The following ITFG1 variants were observed in gnomAD, a reference collection of about 807,000 sequenced individuals.
ITFG1 encodes T-cell immunomodulatory protein.
In ITFG1, 34 loss-of-function variants were observed where a neutral mutation model predicts 81.8. The observed-to-expected ratio is 0.42, with a 90% CI of 0.32 to 0.55. The LOEUF (loss-of-function observed/expected upper bound fraction) is 0.55, where lower values mean the gene tolerates loss of function less well. Among genes scored for constraint, ITFG1 ranks in the 20% least tolerant of loss-of-function variants. ITFG1 has a pLI of 0.17. For missense variants in ITFG1, 672 were observed against 755.4 expected, an observed-to-expected ratio of 0.89 and a Z score of 1.29; for synonymous variants, 285 against 270.6, an observed-to-expected ratio of 1.05 and a Z score of -0.52.
At chr16:47,182,705 C>T (rs1399124924) in intron 14 of ITFG1, among the ~76,000 whole-genome samples, 2 of 152,194 alleles carry the variant, frequency 1.3e-5, no homozygotes, top group Non-Finnish European at 2.9e-5. Context: ...AGGAAATTAC[C>T]AGATAATTAA....
intron 10 of ITFG1, among the ~76,000 whole-genome samples, chr16:47,269,813 A>G (rs1214474752): frequency 6.6e-6 from 1 of 152,170 alleles, no homozygotes; most frequent in Admixed American, 6.5e-5. Flanking sequence ...TAGGAAATAC[A>G]AAGAAACTAG....
chr16:47,390,211 G>C (rs1968513134), intron 6 of ITFG1, among the ~76,000 whole-genome samples: 2 of 152,286 alleles, frequency 1.3e-5, no homozygotes, highest in African/African-American at 4.8e-5. Context: ...AATCACTGAG[G>C]ATCAGGACTG....
At chr16:47,394,253 A>C (rs1968567440) in intron 6 of ITFG1, among the ~76,000 whole-genome samples, 1 of 152,184 alleles carries the variant, frequency 6.6e-6, no homozygotes, top group Non-Finnish European at 1.5e-5. Flanking sequence ...GCTTTTAAGA[A>C]AAAGTGTGTG....
At chr16:47,365,945 C>A in intron 7 of ITFG1, 76 bp from the exon 8 acceptor site, 2 of 774,086 alleles carry the variant, frequency 2.6e-6, no homozygotes, top group Admixed American at 2.1e-5. Flanking sequence ...AGCATTCTAA[C>A]TGAACTGGGG....
At chr16:47,384,603 A>C (rs1345968225) in intron 6 of ITFG1, among the ~76,000 whole-genome samples, 1 of 152,254 alleles carries the variant, frequency 6.6e-6, no homozygotes, top group Non-Finnish European at 1.5e-5. Context: ...GAAGTAATAC[A>C]GTCTGATAAC....
Position 47,313,730 on chromosome 16 carries a change from T to G in ITFG1, c.896A>C (p.Gln299Pro). 1 of 1,538,950 alleles carries G rather than the reference T, an allele frequency of 6.5e-7. No homozygotes were observed. Among genetic ancestry groups the G allele is most frequent in the Non-Finnish European group, 8.9e-7 (1 of 1,125,680 alleles). Residue 299 changes from glutamine (Q) to proline (P), a missense_variant and splice_region_variant, in exon 9 of 18, where the codon CAG becomes CCG. By Grantham distance (76) the Gln-to-Pro change is moderately conservative. Around this residue, in one of 3 missense-constraint regions of ITFG1, gnomAD observed 560 missense variants for 625.7 expected, o/e 0.90. Coordinates refer to ENST00000320640, the MANE Select transcript of ITFG1 (RefSeq NM_030790.5). ...TIYLVRSGMK[Q>P]WVPVLQDFSN... ...TACATTAAAAACAACTTGATATACC[T>G]GCTTCATCCCAGATCTCACTAAGTA...
At chr16:47,405,147 A>T (rs568075899) in intron 6 of ITFG1, among the ~76,000 whole-genome samples, 131 of 151,976 alleles carry the variant, frequency 8.6e-4, no homozygotes, top group African/African-American at 2.9e-3. Flanking sequence ...TATATCATTT[A>T]AAAAAACTCC....
chr16:47,401,250 G>A (rs1968658469), intron 6 of ITFG1, among the ~76,000 whole-genome samples: 1 of 152,168 alleles, frequency 6.6e-6, no homozygotes, highest in African/African-American at 2.4e-5. Flanking sequence ...CACCCACTAG[G>A]ATAGGAAACA....
intron 8 of ITFG1, 113 bp from the exon 9 acceptor site, chr16:47,313,936 G>A (rs1427502912): frequency 3.9e-6 from 2 of 510,326 alleles, no homozygotes; most frequent in Non-Finnish European, 6.7e-6. Flanking sequence ...TAAAACAGAA[G>A]AATTTGACAC....
At chr16:47,384,453 C>T (rs1019050134) in intron 6 of ITFG1, among the ~76,000 whole-genome samples, 1 of 152,170 alleles carries the variant, frequency 6.6e-6, no homozygotes, top group African/African-American at 2.4e-5. Context: ...ACTTTCTACA[C>T]ACCAGAGAGG....
At chr16:47,396,154 A>T (rs1968590165) in intron 6 of ITFG1, 1 of 985,102 alleles carries the variant, frequency 1.0e-6, no homozygotes, top group African/African-American at 1.7e-5. Context: ...CAGGAGAAGG[A>T]GAGATAAGTC....
At chr16:47,423,168 C>T (rs996373581) in intron 6 of ITFG1, among the ~76,000 whole-genome samples, 1 of 151,924 alleles carries the variant, frequency 6.6e-6, no homozygotes, top group Non-Finnish European at 1.5e-5. Context: ...ATCCCTTTAC[C>T]ATTATGTAGT....
rs183660165 is a variant in ITFG1, at chr16:47,437,630, T to C, written c.561-8732A>G. ...CTGCTGAAGCTGGGTGACAGGTACA[T>C]TCTATTAGAAGCATACTCACTGTCT... On this transcript the variant is annotated intron_variant, in intron 5 of 17. Transcript: ENST00000320640. Among the ~76,000 whole-genome samples, 20 of 152,340 alleles carry C rather than the reference T, an allele frequency of 1.3e-4. No individual in the cohort carries two copies. The East Asian group carries it at 3.3e-3, about 25-fold the overall frequency.
At position 47,176,364 on chromosome 16, in the gene ITFG1, A is replaced by AT. The variant is rs758913745; in HGVS notation, c.1454-13701dup. ...GAGTAAGAGAATCAGATAAAAGACA[A>AT]TTTTTTTTTTGTGAGGAAGATATGT... On this transcript the variant is annotated intron_variant, in intron 14 of 17. Coordinates refer to ENST00000320640, the MANE Select transcript of ITFG1 (RefSeq NM_030790.5). 3.4e-3 allele frequency among the ~76,000 whole-genome samples: 507 copies of AT among 150,414 alleles called. 1 individual carries two copies. The highest frequency in any genetic ancestry group is 6.9e-3 in the Middle Eastern group (2 of 288).
intron 16 of ITFG1, 55 bp downstream of exon 16, chr16:47,161,695 G>T: frequency 9.4e-7 from 1 of 1,066,138 alleles, no homozygotes; most frequent in Non-Finnish European, 1.5e-6. Flanking sequence ...ATCACTGTAT[G>T]TATAATTCAG....
At chr16:47,192,181 T>C (rs368885084) in intron 14 of ITFG1, among the ~76,000 whole-genome samples, 7 of 152,228 alleles carry the variant, frequency 4.6e-5, no homozygotes, top group African/African-American at 1.7e-4. Flanking sequence ...GTGGCTTTTG[T>C]TTGTTTTGCC....
At position 47,179,130 on chromosome 16, in the gene ITFG1, G is replaced by A. The variant is rs539575142; in HGVS notation, c.1454-16466C>T. 4.6e-5 allele frequency among the ~76,000 whole-genome samples: 7 copies of A among 152,266 alleles called. 1 individual carries two copies. In the East Asian group the frequency reaches 1.4e-3, roughly 29 times the overall value. Reference sequence around the variant, plus strand: ...AGGAACACTTTTACACTGTTGGTGGGACTGTAAACTAGTTCAACCATTGTG... The same window carrying A: ...AGGAACACTTTTACACTGTTGGTGGAACTGTAAACTAGTTCAACCATTGTG... On this transcript the variant is annotated intron_variant, in intron 14 of 17. Transcript: ENST00000320640.
intron 14 of ITFG1, among the ~76,000 whole-genome samples, chr16:47,188,661 C>A (rs529933573): frequency 2.7e-5 from 4 of 149,408 alleles, no homozygotes; most frequent in Non-Finnish European, 6.0e-5. Context: ...GGGAGATATA[C>A]CTAATGCTAG....
intron 8 of ITFG1, among the ~76,000 whole-genome samples, chr16:47,350,432 A>G (rs2151581062): frequency 6.6e-6 from 1 of 152,358 alleles, no homozygotes; most frequent in African/African-American, 2.4e-5. Flanking sequence ...AATACTATAA[A>G]CACCTCTACA....
Sources: gnomAD v4.1 joint callset for allele counts (sites outside exome capture counted in the v4.1 genomes callset) on GRCh38, gnomAD v4.1.1 for gene constraint, gnomAD v4.1.1 regional missense constraint, MANE v1.5 for transcripts, NCBI Gene and HGNC (gene_info 2026-07-23, HGNC 2026-07-21) for gene names.